Variants in CHN2 observed in about 807,000 individuals in gnomAD.
The protein encoded by CHN2 is chimerin 2, also known as beta-chimaerin.
A neutral mutation model predicts 56.3 loss-of-function variants in CHN2; 35 were observed. The observed-to-expected ratio is 0.62, with a 90% CI of 0.47 to 0.82. The LOEUF (loss-of-function observed/expected upper bound fraction) is 0.82, where lower values mean the gene tolerates loss of function less well. Ranked by LOEUF, CHN2 falls within the 40% of genes least tolerant of loss-of-function variation. The probability of loss-of-function intolerance (pLI) is 0.00; values close to 1 mark genes in which losing one functional copy is unlikely to be tolerated. For missense variants in CHN2, 491 were observed against 580.5 expected (o/e 0.85, Z 1.58); for synonymous variants, 210 against 212.8 (o/e 0.99, Z 0.12).
chr7:29,233,828 T>A (rs1203398661), intron 1 of CHN2, among the ~76,000 whole-genome samples: 1 of 84,620 alleles, frequency 1.2e-5, no homozygotes, highest in African/African-American at 4.6e-5. Context: ...CACCTTGATT[T>A]TTTTTTTTTT....
intron 6 of CHN2, among the ~76,000 whole-genome samples, chr7:29,454,600 C>G (rs1784622067): frequency 6.6e-6 from 1 of 152,202 alleles, no homozygotes; most frequent in African/African-American, 2.4e-5. Flanking sequence ...ATTTCTTACC[C>G]ATGTGACATG....
chr7:29,443,131 G>A (rs920924015), intron 6 of CHN2, among the ~76,000 whole-genome samples: 25 of 151,156 alleles, frequency 1.7e-4, no homozygotes, highest in Admixed American at 9.9e-4. Context: ...TAGTAGAGAC[G>A]GGGTTTCACC....
chr7:29,463,570 G>C (rs1259859373), intron 6 of CHN2, among the ~76,000 whole-genome samples: 3 of 152,204 alleles, frequency 2.0e-5, no homozygotes, highest in Non-Finnish European at 4.4e-5. Flanking sequence ...GATGTCATTT[G>C]GGGGTAAAGG....
intron 1 of CHN2, among the ~76,000 whole-genome samples, chr7:29,213,730 T>A (rs527299424): frequency 1.9e-4 from 29 of 152,218 alleles, no homozygotes; most frequent in Non-Finnish European, 3.5e-4. Context: ...GTGATGCTAA[T>A]CTTTGTAGAA....
chr7:29,424,411 G>A (rs549986025), intron 6 of CHN2, among the ~76,000 whole-genome samples: 1 of 152,080 alleles, frequency 6.6e-6, no homozygotes, highest in Non-Finnish European at 1.5e-5. Flanking sequence ...TTCAATATGA[G>A]GACCACAAAC....
At chr7:29,240,266 C>T (rs1390447959) in intron 1 of CHN2, among the ~76,000 whole-genome samples, 1 of 152,216 alleles carries the variant, frequency 6.6e-6, no homozygotes, top group East Asian at 1.9e-4. Flanking sequence ...GAGGTGCCTT[C>T]CCCGGGAACT....
At chr7:29,440,377 C>A (rs1259158266) in intron 6 of CHN2, among the ~76,000 whole-genome samples, 1 of 152,030 alleles carries the variant, frequency 6.6e-6, no homozygotes, top group Non-Finnish European at 1.5e-5. Context: ...CAATGGTTAT[C>A]ATCACTATAC....
chr7:29,446,015 C>A (rs896707539), intron 6 of CHN2, among the ~76,000 whole-genome samples: 1 of 152,056 alleles, frequency 6.6e-6, no homozygotes, highest in East Asian at 1.9e-4. Flanking sequence ...CTTGGAGGCA[C>A]ATGAGCATCA....
chr7:29,477,849 T>C (rs1786729395), intron 6 of CHN2, among the ~76,000 whole-genome samples: 1 of 152,252 alleles, frequency 6.6e-6, no homozygotes, highest in South Asian at 2.1e-4. Flanking sequence ...GCACACCTTC[T>C]TCCACAACCC....
chr7:29,173,395 T>A (rs1180924296), intron 2 of CHN2, among the ~76,000 whole-genome samples: 1 of 152,024 alleles, frequency 6.6e-6, no homozygotes, highest in African/African-American at 2.4e-5. Flanking sequence ...GTGCTATTAA[T>A]AATACATGAG....
At chr7:29,265,622 G>T (rs245990) in intron 1 of CHN2, among the ~76,000 whole-genome samples, 26,972 of 152,106 alleles carry the variant, frequency 0.18, 3,486 homozygotes, top group African/African-American at 0.36. Context: ...CCCGAATAAA[G>T]TTCTTTACTT....
chr7:29,271,019 C>A (rs1271255679), intron 1 of CHN2, among the ~76,000 whole-genome samples: 3 of 152,088 alleles, frequency 2.0e-5, no homozygotes, highest in Non-Finnish European at 4.4e-5. Flanking sequence ...TCTTGATAAT[C>A]TTTGTAAAAG....
intron 1 of CHN2, among the ~76,000 whole-genome samples, chr7:29,283,992 T>C (rs1329860114): frequency 7.3e-6 from 1 of 137,208 alleles, no homozygotes; most frequent in African/African-American, 2.7e-5. Context: ...CTGCAACCTC[T>C]GCCTCCCAGG....
At chr7:29,148,773 G>C (rs1396688359) in intron 2 of CHN2, 1 of 152,184 alleles carries the variant, frequency 6.6e-6, no homozygotes, top group African/African-American at 2.4e-5. Flanking sequence ...TTGAAGTTTA[G>C]TTGTGGGGAA....
intron 3 of CHN2, among the ~76,000 whole-genome samples, chr7:29,381,932 T>A (rs975682998): frequency 6.6e-6 from 1 of 151,650 alleles, no homozygotes; most frequent in Non-Finnish European, 1.5e-5. Flanking sequence ...GAGAAAGGAT[T>A]TGAAGCAAGA....
chr7:29,343,268 T>A (rs1416237651), intron 1 of CHN2, among the ~76,000 whole-genome samples: 4 of 152,162 alleles, frequency 2.6e-5, no homozygotes, highest in Non-Finnish European at 5.9e-5. Context: ...TAAATCTGCA[T>A]TTTGTACCAG....
intron 1 of CHN2, among the ~76,000 whole-genome samples, chr7:29,291,587 G>T (rs1332530912): frequency 6.6e-6 from 1 of 151,944 alleles, no homozygotes; most frequent in Non-Finnish European, 1.5e-5. Flanking sequence ...TATTTTAATG[G>T]CTATGCATAG....
intron 1 of CHN2, among the ~76,000 whole-genome samples, chr7:29,284,634 C>G (rs1367037076): frequency 6.6e-6 from 1 of 152,150 alleles, no homozygotes; most frequent in African/African-American, 2.4e-5. Flanking sequence ...TGCTAACAAC[C>G]ACATGAGTTG....
At chr7:29,176,481 C>T (rs1337046788) in intron 2 of CHN2, among the ~76,000 whole-genome samples, 1 of 152,074 alleles carries the variant, frequency 6.6e-6, no homozygotes, top group Non-Finnish European at 1.5e-5. Context: ...CTTCAAATTG[C>T]TGAAGGAAAT....
Sources: allele counts gnomAD v4.1 joint callset (sites outside exome capture counted in the v4.1 genomes callset), GRCh38; gene constraint gnomAD v4.1.1; transcripts MANE v1.5; gene names NCBI Gene and HGNC (gene_info 2026-07-23, HGNC 2026-07-21).